The following KANTR variants were observed in gnomAD, a reference collection of about 807,000 sequenced individuals.
The protein encoded by KANTR is KDM5C adjacent transcript.
intron 1 of KANTR, among the ~76,000 whole-genome samples, chrX:53,096,242 TC>T (rs1283976800): frequency 2.7e-5 from 3 of 112,257 alleles, no homozygotes; most frequent in Non-Finnish European, 5.6e-5. Flanking sequence ...AATTATAAGC[TC>T]CAGAAGGGCA....
intron 2 of KANTR, among the ~76,000 whole-genome samples, chrX:53,141,340 C>T (rs1277976280): frequency 4.5e-5 from 5 of 111,077 alleles, no homozygotes; most frequent in African/African-American, 1.6e-4. Context: ...GGGAATCATT[C>T]GACTTAACCT....
intron 2 of KANTR, among the ~76,000 whole-genome samples, chrX:53,103,167 C>T (rs980000126): frequency 2.7e-5 from 3 of 109,115 alleles, no homozygotes; most frequent in Non-Finnish European, 5.7e-5. Flanking sequence ...GTAGAGACAG[C>T]GTTTCACCAT....
intron 2 of KANTR, among the ~76,000 whole-genome samples, chrX:53,113,643 G>A (rs782333666): frequency 2.0e-5 from 2 of 99,444 alleles, no homozygotes; most frequent in African/African-American, 7.4e-5. Context: ...GCAGTGGCGC[G>A]ATCTCGGCTC....
intron 2 of KANTR, among the ~76,000 whole-genome samples, chrX:53,138,278 G>A (rs1363395857): frequency 9.3e-6 from 1 of 107,473 alleles, no homozygotes; most frequent in Non-Finnish European, 1.9e-5. Context: ...ACGTTGGTCA[G>A]GCTGGTCTTG....
At chrX:53,119,938 C>T (rs1280535700) in intron 2 of KANTR, among the ~76,000 whole-genome samples, 9 of 111,074 alleles carry the variant, frequency 8.1e-5, no homozygotes, top group Non-Finnish European at 1.5e-4. Flanking sequence ...AGGCTGTTCT[C>T]GAACGCCTGC....
At chrX:53,114,951 C>T (rs1933100779) in intron 2 of KANTR, among the ~76,000 whole-genome samples, 1 of 108,008 alleles carries the variant, frequency 9.3e-6, no homozygotes, top group African/African-American at 3.4e-5. Flanking sequence ...CTGTGTGGTG[C>T]TGGGGCCGGT....
chrX:53,097,805 C>T lies in KANTR; in HGVS notation c.-941-1667C>T, dbSNP rs782356029. ...GTGGCTCACGCCTGTAATCCCAGCACTTTGGGAGGCCAAGGTGGGCAGATC... is the reference window on the plus strand; with the variant it reads ...GTGGCTCACGCCTGTAATCCCAGCATTTTGGGAGGCCAAGGTGGGCAGATC... On this transcript the variant is annotated intron_variant, in intron 1 of 2. Coordinates refer to ENST00000604062, the Ensembl canonical transcript of KANTR. Among the ~76,000 whole-genome samples, 58 of 107,494 alleles carry T rather than the reference C, an allele frequency of 5.4e-4. No individual in the cohort carries two copies. The South Asian group carries it at 0.025, about 46-fold the overall frequency. 93.3% of individuals were successfully genotyped at this position (107,494 alleles called of 115,157 possible). A position where few individuals can be genotyped will look rare whatever the true frequency, so the allele number is the denominator to read the frequency against.
intron 2 of KANTR, among the ~76,000 whole-genome samples, chrX:53,134,223 G>C (rs782273310): frequency 2.3e-4 from 25 of 110,914 alleles, no homozygotes; most frequent in African/African-American, 8.2e-4. Flanking sequence ...TTAGCCGGAC[G>C]TGGTGGCATG....
At chrX:53,143,289 A>G (rs1933529332), downstream of KANTR, 2 of 602,470 alleles carry the variant, frequency 3.3e-6, no homozygotes, top group African/African-American at 2.2e-5. Flanking sequence ...CTTCTCGTTG[A>G]TGTCGCGCAC....
chrX:53,146,009 C>T (rs1177200901), downstream of KANTR, among the ~76,000 whole-genome samples: 1 of 111,393 alleles, frequency 9.0e-6, no homozygotes, highest in Non-Finnish European at 1.9e-5. Flanking sequence ...ATGTCACCAT[C>T]ATCAAAGACC....
downstream of KANTR, chrX:53,144,021 A>G (rs1349219938): frequency 4.9e-6 from 1 of 204,956 alleles, no homozygotes; most frequent in Non-Finnish European, 9.2e-6. Flanking sequence ...AATTAGCCAA[A>G]TACTGATTTT....
intron 2 of KANTR, among the ~76,000 whole-genome samples, chrX:53,135,588 T>C (rs182324924): frequency 1.8e-5 from 2 of 112,437 alleles, no homozygotes; most frequent in East Asian, 5.6e-4. Context: ...CATTGAGGTA[T>C]GTGCCTTCCT....
rs144826104 is a variant in KANTR, at chrX:53,108,794, G to A, written c.-805+9186G>A. ...TAGCTCACTGCAACCTCGAACTCTC[G>A]GGCTCAAGCAGTCCTCCCATCTCAG... is the stretch of plus-strand genomic sequence containing the variant. On this transcript the variant is annotated intron_variant, in intron 2 of 2. Coordinates refer to ENST00000604062, the Ensembl canonical transcript of KANTR. Among the ~76,000 whole-genome samples the A allele has an allele frequency of 3.3e-3, 362 of 109,436 alleles. 1 individual carries two copies. The highest frequency in any genetic ancestry group is 9.4e-3 in the Middle Eastern group (2 of 212).
intron 2 of KANTR, among the ~76,000 whole-genome samples, chrX:53,141,639 C>T (rs919119981): frequency 9.2e-6 from 1 of 108,821 alleles, no homozygotes; most frequent in Admixed American, 1.0e-4. Flanking sequence ...TCTCACTCTC[C>T]CTCTCCAGTT....
chrX:53,125,446 A>G (rs1556816128), exon 3 of KANTR: 1 of 111,404 alleles, frequency 9.0e-6, no homozygotes, highest in Non-Finnish European at 1.9e-5. Flanking sequence ...TCTGTTTACC[A>G]TCACTACCTT....
downstream of KANTR, among the ~76,000 whole-genome samples, chrX:53,145,998 T>C (rs1298080851): frequency 7.2e-5 from 8 of 111,417 alleles, no homozygotes; most frequent in Non-Finnish European, 1.5e-4. Flanking sequence ...ACCCCATCTG[T>C]ATGTCACCAT....
chrX:53,098,363 G>A (rs1160709736), intron 1 of KANTR, among the ~76,000 whole-genome samples: 2 of 112,113 alleles, frequency 1.8e-5, no homozygotes, highest in East Asian at 2.8e-4. Context: ...TGCTGGTGGA[G>A]GGTCTTACCT....
chrX:53,139,600 C>CT (rs1933474092), intron 2 of KANTR, among the ~76,000 whole-genome samples: 1 of 112,080 alleles, frequency 8.9e-6, no homozygotes, highest in Non-Finnish European at 1.9e-5. Context: ...AGGAGGATTG[C>CT]TTGAGGCCAG....
chrX:53,101,309 G>A (rs1932891014), intron 2 of KANTR, among the ~76,000 whole-genome samples: 1 of 112,210 alleles, frequency 8.9e-6, no homozygotes, highest in African/African-American at 3.2e-5. Flanking sequence ...TTGATTTAAA[G>A]TGAGAGATGT....
Sources: allele counts gnomAD v4.1 joint callset (sites outside exome capture counted in the v4.1 genomes callset), GRCh38; gene constraint gnomAD v4.1.1; transcripts MANE v1.5; gene names NCBI Gene and HGNC (gene_info 2026-07-23, HGNC 2026-07-21).